HEATR5A: variants seen among roughly 807,000 people sequenced by gnomAD.
HEATR5A encodes HEAT repeat containing 5A.
HEATR5A carries 178 observed loss-of-function variants against 218.8 expected under a neutral mutation model. The observed-to-expected ratio is 0.81, with a 90% CI of 0.72 to 0.92. HEATR5A has a LOEUF of 0.92. Ranked by LOEUF, HEATR5A falls within the 40% of genes least tolerant of loss-of-function variation. The pLI is 0.00. For synonymous variants in HEATR5A, 864 were observed against 871.6 expected (o/e 0.99, Z 0.15); for missense variants, 2,420 against 2,418.9 (o/e 1.00, Z -0.01).
At chr14:31,360,283 A>C (rs542467752) in intron 14 of HEATR5A, among the ~76,000 whole-genome samples, 3 of 152,108 alleles carry the variant, frequency 2.0e-5, no homozygotes, top group African/African-American at 7.2e-5. Flanking sequence ...AATTTTCTAC[A>C]GTCTGGGTTT....
At chr14:31,367,044 A>G (rs1185381719) in intron 13 of HEATR5A, among the ~76,000 whole-genome samples, 1 of 152,236 alleles carries the variant, frequency 6.6e-6, no homozygotes, top group Non-Finnish European at 1.5e-5. Flanking sequence ...CACATAAGGA[A>G]GAGAGAAACA....
At chr14:31,296,215 G>T in intron 33 of HEATR5A, 152 bp from the exon 34 acceptor site, 1 of 540,052 alleles carries the variant, frequency 1.9e-6, no homozygotes. Flanking sequence ...TACATTTTAA[G>T]ATGTGCATTA....
intron 11 of HEATR5A, among the ~76,000 whole-genome samples, chr14:31,378,788 AAAAAAAAACAAAC>A (rs1278500206): frequency 3.5e-5 from 3 of 85,744 alleles, no homozygotes; most frequent in African/African-American, 4.7e-5. Flanking sequence ...ACTCCACCTC[AAAAAAAAACAAAC>A]AAAAAAAAAA....
intron 18 of HEATR5A, 58 bp from the exon 19 acceptor site, chr14:31,347,965 A>C (rs1901075963): frequency 9.0e-7 from 1 of 1,116,746 alleles, no homozygotes; most frequent in Non-Finnish European, 1.2e-6. Flanking sequence ...AAAACACAAA[A>C]ACTAATGCAT....
Position 31,343,939 on chromosome 14 carries a change from G to T in HEATR5A, c.3185C>A (p.Ala1062Asp). 1.2e-6 allele frequency: 2 copies of T among 1,611,382 alleles called. No homozygotes were observed. The highest frequency in any genetic ancestry group is 1.7e-6 in the Non-Finnish European group (2 of 1,178,962). The change falls in exon 21 of 36, where the codon GCT becomes GAT. Residue 1062 changes from alanine (A) to aspartate (D), a missense_variant. Transcript: ENST00000543095. Reference sequence around the variant, plus strand: ...GCTAGACAAGTTGACATGTCGTGGAGCAAACATATGAAGCTGCTGAAGGCA... The same window carrying T: ...GCTAGACAAGTTGACATGTCGTGGATCAAACATATGAAGCTGCTGAAGGCA... ...ISCLQQLHMF[A>D]PRHVNLSSLV...
At chr14:31,302,955 AAAAAAAAAAT>A (rs1899435007) in intron 32 of HEATR5A, among the ~76,000 whole-genome samples, 1 of 144,860 alleles carries the variant, frequency 6.9e-6, no homozygotes, top group South Asian at 2.1e-4. Flanking sequence ...AAAAAAAAAA[AAAAAAAAAAT>A]GGCTGGGATG....
intron 23 of HEATR5A, 69 bp downstream of exon 23, chr14:31,326,094 G>T: frequency 1.6e-6 from 2 of 1,228,562 alleles, no homozygotes; most frequent in Non-Finnish European, 2.4e-6. Context: ...AATTCTCAGT[G>T]GTAAACAATT....
rs183648442 is a variant in HEATR5A at position 31,359,587 on chromosome 14, C to T, written c.2072-530G>A. Among the ~76,000 whole-genome samples the T allele has an allele frequency of 5.6e-3, 840 of 151,172 alleles. 9 individuals carry two copies. The highest frequency in any genetic ancestry group is 0.019 in the African/African-American group (781 of 41,190). On this transcript the variant is annotated intron_variant, in intron 14 of 35. Transcript: ENST00000543095. Reference sequence around the variant, plus strand: ...AGTAAAAACACAAAAATTAGCCGGGCGTGGTGGCAGGTGCCTGTAACCCCA... The same window carrying T: ...AGTAAAAACACAAAAATTAGCCGGGTGTGGTGGCAGGTGCCTGTAACCCCA...
At position 31,345,220 on chromosome 14, in the gene HEATR5A, A is replaced by G. The variant is rs763682134; in HGVS notation, c.2925T>C (p.Tyr975=). 11 of 1,613,562 alleles carry G rather than the reference A, an allele frequency of 6.8e-6. No homozygotes were observed. The East Asian group carries it at 2.2e-4, about 33-fold the overall frequency. ...LIIDSAGPLY[Y]VHVEPTLSLI... ...GAGAAAGGGTAGGTTCCACATGCAC[A>G]TAATAGAGTGGGCCAGCAGAATCAA... Residue 975 remains tyrosine (Y), a synonymous_variant, in exon 20 of 36, where the codon TAT becomes TAC. Coordinates refer to ENST00000543095, the MANE Select transcript of HEATR5A (RefSeq NM_015473.4).
chr14:31,299,234 C>A (rs764093746), intron 33 of HEATR5A, among the ~76,000 whole-genome samples: 1 of 152,144 alleles, frequency 6.6e-6, no homozygotes, highest in Non-Finnish European at 1.5e-5. Flanking sequence ...AGTCATCCTA[C>A]GCTTTCAACT....
At chr14:31,364,828 C>T (rs1422507686) in intron 13 of HEATR5A, among the ~76,000 whole-genome samples, 3 of 152,136 alleles carry the variant, frequency 2.0e-5, no homozygotes, top group Non-Finnish European at 2.9e-5. Flanking sequence ...TTTACCAATG[C>T]TCATTCATTT....
intron 21 of HEATR5A, among the ~76,000 whole-genome samples, chr14:31,339,305 C>T (rs1490132317): frequency 6.6e-6 from 1 of 151,246 alleles, no homozygotes; most frequent in Non-Finnish European, 1.5e-5. Context: ...TAAAAATTAG[C>T]TGGGCGTGGT....
intron 20 of HEATR5A, among the ~76,000 whole-genome samples, chr14:31,344,672 T>TGATTCTGCTTCATGTCTGTCATTTTAAC (rs200092495): frequency 2.4e-5 from 1 of 40,844 alleles, no homozygotes; most frequent in African/African-American, 4.8e-5. Context: ...TTATACCAAA[T>TGATTCTGCTTCATGTCTGTCATTTTAAC]TTTCATAAAA....
chr14:31,393,352 A>T (rs907974821), intron 6 of HEATR5A, among the ~76,000 whole-genome samples: 1 of 152,166 alleles, frequency 6.6e-6, no homozygotes, highest in Non-Finnish European at 1.5e-5. Context: ...TCCACAAAAA[A>T]TATAAAAATT....
chr14:31,385,418 C>T (rs999188677), intron 9 of HEATR5A, among the ~76,000 whole-genome samples: 2 of 152,146 alleles, frequency 1.3e-5, no homozygotes, highest in Admixed American at 1.3e-4. Context: ...CGTGAGCCAC[C>T]ATGCCAGGCC....
At chr14:31,315,651 T>C in intron 27 of HEATR5A, 119 bp downstream of exon 27, 1 of 688,378 alleles carries the variant, frequency 1.5e-6, no homozygotes, top group South Asian at 2.7e-5. Flanking sequence ...GAATTCTTTT[T>C]GTTTAACCTT....
intron 19 of HEATR5A, among the ~76,000 whole-genome samples, chr14:31,347,528 T>C (rs572227417): frequency 4.8e-4 from 73 of 152,212 alleles, no homozygotes; most frequent in Non-Finnish European, 9.4e-4. Context: ...ATCATTAAGA[T>C]GGAACAGAGA....
At position 31,293,317 on chromosome 14, in the gene HEATR5A, G is replaced by T; in HGVS notation, c.6129C>A (p.Thr2043=). Residue 2043 remains threonine (T), a synonymous_variant, in exon 36 of 36, where the codon ACC becomes ACA. Coordinates refer to ENST00000543095, the MANE Select transcript of HEATR5A (RefSeq NM_015473.4). ...TCCAAAAAAAAAATCAGAGGAAACTGGTCTTTAATTGGATGCTTGAGTTTT... is the reference window on the plus strand; with the variant it reads ...TCCAAAAAAAAAATCAGAGGAAACTTGTCTTTAATTGGATGCTTGAGTTTT... The part of the protein sequence containing the change: ...PGKNSSIQLK[T]SFL 2.5e-6 allele frequency: 4 copies of T among 1,585,400 alleles called. No homozygotes were observed. Among genetic ancestry groups the T allele is most frequent in the South Asian group, 1.2e-5 (1 of 85,124 alleles).
chr14:31,344,295 T>TTTTTTTTTTTTTTTTTTTTTTTTTTTTG (rs1900948355), intron 20 of HEATR5A, among the ~76,000 whole-genome samples: 1 of 116,486 alleles, frequency 8.6e-6, no homozygotes, highest in African/African-American at 3.3e-5. Context: ...TTTTTTTTTT[T>TTTTTTTTTTTTTTTTTTTTTTTTTTTTG]GAGACAGAGT....
Sources: gnomAD v4.1 joint callset for allele counts (sites outside exome capture counted in the v4.1 genomes callset) on GRCh38, gnomAD v4.1.1 for gene constraint, MANE v1.5 for transcripts, NCBI Gene and HGNC (gene_info 2026-07-23, HGNC 2026-07-21) for gene names.